CFAP90: variants seen among roughly 807,000 people sequenced by gnomAD.
CFAP90 encodes cilia- and flagella-associated protein 90.
chr5:7,832,060 C>T, the CFAP90 span: 2 of 1,592,488 alleles, frequency 1.3e-6, no homozygotes, highest in South Asian at 1.1e-5. Context: ...ACATAGTCAG[C>T]ACCACTGCAT....
chr5:7,835,704 C>T, the CFAP90 span, among the ~76,000 whole-genome samples: 1 of 152,144 alleles, frequency 6.6e-6, no homozygotes, highest in African/African-American at 2.4e-5. Context: ...GAGAAGTTTG[C>T]TGAGAGGCCC....
At chr5:7,845,035 G>C in the CFAP90 span, among the ~76,000 whole-genome samples, 1 of 152,130 alleles carries the variant, frequency 6.6e-6, no homozygotes, top group African/African-American at 2.4e-5. Flanking sequence ...CACATGGCTG[G>C]GGAGGCCTCA....
chr5:7,847,818 C>T, the CFAP90 span, among the ~76,000 whole-genome samples: 1 of 152,136 alleles, frequency 6.6e-6, no homozygotes, highest in African/African-American at 2.4e-5. Flanking sequence ...CTGTGCCTGC[C>T]AGGATCAATT....
the CFAP90 span, among the ~76,000 whole-genome samples, chr5:7,841,142 A>G: frequency 6.6e-6 from 1 of 151,554 alleles, no homozygotes; most frequent in African/African-American, 2.4e-5. Context: ...AATTTACAAG[A>G]AAAAAAAACC....
At chr5:7,832,689 T>G in the CFAP90 span, among the ~76,000 whole-genome samples, 1 of 152,122 alleles carries the variant, frequency 6.6e-6, no homozygotes, top group Non-Finnish European at 1.5e-5. Flanking sequence ...GGTTTCACCA[T>G]GTTGACCAGG....
At chr5:7,843,369 A>AT in the CFAP90 span, among the ~76,000 whole-genome samples, 1 of 152,248 alleles carries the variant, frequency 6.6e-6, no homozygotes, top group South Asian at 2.1e-4. Flanking sequence ...TGGGTTTTTG[A>AT]TTTTTCCTGT....
chr5:7,849,089 A>C, the CFAP90 span, among the ~76,000 whole-genome samples: 1 of 152,174 alleles, frequency 6.6e-6, no homozygotes, highest in African/African-American at 2.4e-5. Context: ...TTTTATTTTG[A>C]TTATCTCTGT....
the CFAP90 span, among the ~76,000 whole-genome samples, chr5:7,848,675 A>G: frequency 2.0e-5 from 3 of 152,176 alleles, no homozygotes; most frequent in African/African-American, 7.2e-5. Context: ...TGTAGTTCCC[A>G]TAATTCCCAC....
the CFAP90 span, among the ~76,000 whole-genome samples, chr5:7,843,661 C>T: frequency 6.6e-6 from 1 of 152,256 alleles, no homozygotes; most frequent in African/African-American, 2.4e-5. Context: ...CACCCCCAGC[C>T]CAGCAATTCA....
chr5:7,835,537 G>T, the CFAP90 span: 1 of 1,270,186 alleles, frequency 7.9e-7, no homozygotes, highest in Non-Finnish European at 1.1e-6. Flanking sequence ...GGGTTAATTT[G>T]AAGGCTGGGT....
At chr5:7,848,297 G>T in the CFAP90 span, among the ~76,000 whole-genome samples, 1 of 152,062 alleles carries the variant, frequency 6.6e-6, no homozygotes, top group Admixed American at 6.6e-5. Context: ...GGCAAACAGG[G>T]CTGCAGAGAC....
the CFAP90 span, chr5:7,831,818 A>T: frequency 1.3e-6 from 2 of 1,589,760 alleles, no homozygotes; most frequent in Non-Finnish European, 1.7e-6. Flanking sequence ...GCCACAGGGT[A>T]TCGGACATGC....
chr5:7,849,598 G>C, the CFAP90 span, among the ~76,000 whole-genome samples: 2 of 152,178 alleles, frequency 1.3e-5, no homozygotes, highest in Non-Finnish European at 1.5e-5. Flanking sequence ...TGAGAAGAAA[G>C]GAGTAGATGA....
chr5:7,850,966 G>GGCCTGGC, the CFAP90 span: 1 of 1,323,122 alleles, frequency 7.6e-7, no homozygotes, highest in Non-Finnish European at 9.7e-7. Context: ...GACGGGCGGC[G>GGCCTGGC]GCCTGGGCTT....
the CFAP90 span, chr5:7,831,680 G>A: frequency 8.4e-6 from 5 of 592,242 alleles, no homozygotes; most frequent in African/African-American, 9.2e-5. Flanking sequence ...AGCAACCTGA[G>A]GGGGGCTGCT....
chr5:7,848,637 G>C, the CFAP90 span, among the ~76,000 whole-genome samples: 3 of 152,166 alleles, frequency 2.0e-5, no homozygotes, highest in African/African-American at 7.2e-5. Context: ...TGGTTTGGCT[G>C]TGTCCCTACC....
chr5:7,839,047 A>G, the CFAP90 span, among the ~76,000 whole-genome samples: 92 of 152,342 alleles, frequency 6.0e-4, no homozygotes, highest in African/African-American at 2.1e-3. Context: ...AGGCCTCACA[A>G]TCATGGCAGA....
chr5:7,850,797 CA>C, the CFAP90 span: 3 of 279,260 alleles, frequency 1.1e-5, no homozygotes, highest in East Asian at 2.5e-4. Flanking sequence ...CCCAGCCGCC[CA>C]GCCGCCCAGC....
the CFAP90 span, chr5:7,850,958 C>A: frequency 7.5e-7 from 1 of 1,331,190 alleles, no homozygotes; most frequent in Non-Finnish European, 9.6e-7. Flanking sequence ...TGCGCCGAGA[C>A]GGGCGGCGGC....
Sources: allele counts gnomAD v4.1 joint callset (sites outside exome capture counted in the v4.1 genomes callset), GRCh38; gene constraint gnomAD v4.1.1; transcripts MANE v1.5; gene names NCBI Gene and HGNC (gene_info 2026-07-23, HGNC 2026-07-21).